The following TAS1R2 variants were observed in gnomAD, a reference collection of about 807,000 sequenced individuals.
The protein encoded by TAS1R2 is taste receptor type 1 member 2.
TAS1R2 carries 47 observed loss-of-function variants against 49.3 expected under a neutral mutation model. That is an observed-to-expected ratio of 0.95 (90% CI 0.75 to 1.22). The LOEUF is 1.22. Ranked by LOEUF, TAS1R2 falls within the 50% of genes most tolerant of loss-of-function variation. The probability of loss-of-function intolerance (pLI) is 0.00; values close to 1 mark genes in which losing one functional copy is unlikely to be tolerated. For missense variants in TAS1R2, 1,155 were observed against 1,122.1 expected (o/e 1.03, Z -0.42); for synonymous variants, 479 against 467.9 (o/e 1.02, Z -0.31).
chr1:18,844,109 C>A (rs1420721164), intron 4 of TAS1R2, among the ~76,000 whole-genome samples: 3 of 152,124 alleles, frequency 2.0e-5, no homozygotes, highest in Admixed American at 6.5e-5. Flanking sequence ...CCATACTAAG[C>A]TTTTTTCAGG....
intron 3 of TAS1R2, among the ~76,000 whole-genome samples, chr1:18,850,678 C>T (rs1934005270): frequency 6.6e-6 from 1 of 152,248 alleles, no homozygotes; most frequent in African/African-American, 2.4e-5. Flanking sequence ...AAGATATCAC[C>T]CCCAAGGGGT....
chr1:18,851,104 G>GTA (rs2100517013), intron 3 of TAS1R2, among the ~76,000 whole-genome samples: 1 of 152,276 alleles, frequency 6.6e-6, no homozygotes, highest in South Asian at 2.1e-4. Context: ...TCCATTCCAG[G>GTA]TATGATAGCT....
chr1:18,843,173 A>G (rs1933857661), intron 4 of TAS1R2, among the ~76,000 whole-genome samples: 1 of 152,234 alleles, frequency 6.6e-6, no homozygotes, highest in Non-Finnish European at 1.5e-5. Context: ...GAAGTTGTTC[A>G]TCTTGACATT....
chr1:18,855,037 C>T (rs764800618), intron 2 of TAS1R2, 51 bp from the exon 3 acceptor site: 29 of 1,569,520 alleles, frequency 1.8e-5, no homozygotes, highest in Admixed American at 5.2e-5. Flanking sequence ...GGGTGCTCTG[C>T]CCCCACCCCA....
At position 18,840,518 on chromosome 1, in the gene TAS1R2, T is replaced by G; in HGVS notation, c.1601A>C (p.Glu534Ala). ...CTCGTTATTCGGGCAGGCCTGGCATTCATATTCATCTGCAAAAGCCACAGC... is the reference window on the plus strand; with the variant it reads ...CTCGTTATTCGGGCAGGCCTGGCATGCATATTCATCTGCAAAAGCCACAGC... Residue 534 changes from glutamate to alanine, a missense_variant, in exon 6 of 6, where the codon GAA (glutamate) becomes GCA (alanine). Physicochemically the swap from Glu to Ala is moderately radical, Grantham distance 107 (BLOSUM62 -1). Transcript: ENST00000375371. 1.5e-5 allele frequency: 24 copies of G among 1,614,112 alleles called. No homozygotes were observed. Among genetic ancestry groups the G allele is most frequent in the Non-Finnish European group, 1.9e-5 (22 of 1,180,024 alleles).
At chr1:18,842,200 G>A (rs926336463) in intron 4 of TAS1R2, among the ~76,000 whole-genome samples, 9 of 152,088 alleles carry the variant, frequency 5.9e-5, no homozygotes, top group African/African-American at 2.2e-4. Flanking sequence ...TCTTACCTAA[G>A]GGGGTGGGGT....
chr1:18,858,428 C>A (rs1316925524), intron 1 of TAS1R2: 1 of 152,616 alleles, frequency 6.6e-6, no homozygotes, highest in Non-Finnish European at 1.5e-5. Context: ...TCACCACCAA[C>A]ACCATCATCA....
In TAS1R2 at chr1:18,840,315, G is replaced by C. The variant is rs764747195; in HGVS notation, c.1804C>G (p.Pro602Ala). 5.0e-6 allele frequency: 8 copies of C among 1,614,044 alleles called. No homozygotes were observed. The East Asian group carries it at 1.8e-4, about 36-fold the overall frequency. The change falls in exon 6 of 6, where the codon CCC becomes GCC. Residue 602 changes from proline (P) to alanine (A), a missense_variant. By Grantham distance (27) the Pro-to-Ala change is conservative. Coordinates refer to ENST00000375371, the Ensembl canonical transcript of TAS1R2. ...AGTGTCAGCATCAGGAAGCACATGG[G>C]GCCCCCAGCCGAGCGAACTATGGGT...
intron 3 of TAS1R2, among the ~76,000 whole-genome samples, chr1:18,851,682 C>T (rs1299628284): frequency 1.3e-5 from 2 of 152,130 alleles, no homozygotes; most frequent in African/African-American, 4.8e-5. Context: ...CCTGGATTTA[C>T]CCAACCTCCC....
chr1:18,856,042 C>T (rs1299554521), intron 2 of TAS1R2, among the ~76,000 whole-genome samples: 1 of 152,206 alleles, frequency 6.6e-6, no homozygotes, highest in African/African-American at 2.4e-5. Flanking sequence ...TGCTCACACA[C>T]ATGTCAGGTC....
At chr1:18,857,259 C>T (rs1301850087) in intron 2 of TAS1R2, 72 bp downstream of exon 2, 2 of 1,501,678 alleles carry the variant, frequency 1.3e-6, no homozygotes, top group East Asian at 4.7e-5. Context: ...GAGGAAGTGG[C>T]TTCTGAGGCC....
At position 18,854,430 on chromosome 1, in the gene TAS1R2, G is replaced by A. The variant is rs757678235; in HGVS notation, c.1040C>T (p.Pro347Leu). Residue 347 changes from proline to leucine, a missense_variant, in exon 3 of 6, where the codon CCG (proline) becomes CTG (leucine). Transcript: ENST00000375371. This position sits in a 1 kb window ranked among gnomAD's most constrained non-coding sequence, Gnocchi z 4.9. ...CTGGCTGGTCCTGCTGAGGGGTGGC[G>A]GCCCAGCCTGTGGGCCCCACTCGCG... The A allele has an allele frequency of 4.2e-5, 67 of 1,613,936 alleles. No individual in the cohort carries two copies. Among genetic ancestry groups the A allele is most frequent in the African/African-American group, 1.5e-4 (11 of 74,914 alleles).
chr1:18,840,048 C>G (rs1336979199), exon 6 of TAS1R2: 1 of 1,614,216 alleles, frequency 6.2e-7, no homozygotes, highest in East Asian at 2.2e-5. Flanking sequence ...ACCACAATGA[C>G]CATTTTGAGT....
In TAS1R2 at chr1:18,854,104, A is replaced by G; in HGVS notation, c.1257+109T>C. ...TTTGGCACCAGGAAGGACTAGTGCT[A>G]TGTGTCTGGAAGAATGGGATACTCA... is the stretch of plus-strand genomic sequence containing the variant. On this transcript the variant is annotated intron_variant, in intron 3 of 5. Coordinates refer to ENST00000375371, the Ensembl canonical transcript of TAS1R2. The surrounding 1 kb of genome is among the most constrained non-coding windows in gnomAD (Gnocchi z 4.9). 1 of 1,076,724 alleles carries G rather than the reference A, an allele frequency of 9.3e-7. No individual in the cohort carries two copies. The highest frequency in any genetic ancestry group is 1.3e-6 in the Non-Finnish European group (1 of 755,474). The allele number at this position is 1,076,724 out of a possible 1,614,324, so 66.7% of individuals were successfully genotyped here.
At chr1:18,850,042 T>G (rs977047487) in intron 3 of TAS1R2, among the ~76,000 whole-genome samples, 9 of 152,136 alleles carry the variant, frequency 5.9e-5, no homozygotes, top group African/African-American at 9.7e-5. Context: ...CAAAGGCCAA[T>G]TGGGGTCTCC....
At chr1:18,843,891 A>T (rs958178563) in intron 4 of TAS1R2, among the ~76,000 whole-genome samples, 13 of 152,276 alleles carry the variant, frequency 8.5e-5, no homozygotes, top group Non-Finnish European at 1.9e-4. Context: ...ATGGTATCCA[A>T]GAAGCGCCAG....
intron 3 of TAS1R2, among the ~76,000 whole-genome samples, chr1:18,852,610 G>A (rs4920564): frequency 3.3e-5 from 5 of 151,954 alleles, no homozygotes; most frequent in Non-Finnish European, 5.9e-5. Context: ...CTCTATGAAC[G>A]CCTGCTGCCT....
intron 4 of TAS1R2, among the ~76,000 whole-genome samples, chr1:18,845,921 T>G (rs1000048985): frequency 6.6e-6 from 1 of 152,128 alleles, no homozygotes. Flanking sequence ...AAGAGAGAGA[T>G]GAATATCAGT....
intron 4 of TAS1R2, among the ~76,000 whole-genome samples, chr1:18,844,051 C>T (rs1201432099): frequency 1.3e-5 from 2 of 152,292 alleles, no homozygotes; most frequent in South Asian, 4.1e-4. Flanking sequence ...GAATGATTCA[C>T]AAGTAGGTTG....
Sources: gnomAD v4.1 joint callset for allele counts (sites outside exome capture counted in the v4.1 genomes callset) on GRCh38, gnomAD v4.1.1 for gene constraint, Gnocchi (gnomAD v3.1) non-coding constraint, MANE v1.5 for transcripts, NCBI Gene and HGNC (gene_info 2026-07-23, HGNC 2026-07-21) for gene names.